AP4B1: variants seen among roughly 807,000 people sequenced by gnomAD.
AP4B1 encodes AP-4 complex subunit beta-1.
Under a neutral mutation model 76.5 loss-of-function variants are expected in AP4B1, and 49 were observed. That is an observed-to-expected ratio of 0.64 (90% CI 0.51 to 0.81). The LOEUF is 0.81. Ranked by LOEUF, AP4B1 falls within the 40% of genes least tolerant of loss-of-function variation. The probability of loss-of-function intolerance (pLI) is 0.00; values close to 1 mark genes in which losing one functional copy is unlikely to be tolerated. For synonymous variants in AP4B1, 330 were observed against 333.3 expected (o/e 0.99, Z 0.11); for missense variants, 911 against 904.9 (o/e 1.01, Z -0.09).
intron 7 of AP4B1, 178 bp from the exon 8 acceptor site, chr1:113,896,643 G>A (rs1398650394): frequency 1.6e-6 from 1 of 636,430 alleles, no homozygotes; most frequent in Non-Finnish European, 2.8e-6. Flanking sequence ...AAATAGGAAT[G>A]AAATTCTAAT....
chr1:113,895,150 T>C lies in AP4B1; in HGVS notation c.2135A>G (p.Gln712Arg). 1 of 1,614,250 alleles carries C rather than the reference T, an allele frequency of 6.2e-7. No individual in the cohort carries two copies. Among genetic ancestry groups the C allele is most frequent in the Non-Finnish European group, 8.5e-7 (1 of 1,180,036 alleles). ...CAGCGTCTCCGTTCTTGCTTCATTT[T>C]GTTTCACAGAGATCTGCATTTCTGA... The part of the protein sequence containing the change: ...GNSEMQISVK[Q>R]NEARTETLNS... The change falls in exon 10 of 10, where the codon CAA becomes CGA. Residue 712 changes from glutamine to arginine, a missense_variant. Transcript: ENST00000369569.
chr1:113,895,466 C>G lies in AP4B1; in HGVS notation c.1819G>C (p.Glu607Gln), dbSNP rs1166699876. The change falls in exon 10 of 10, where the codon GAG (glutamate) becomes CAG (glutamine). Residue 607 changes from glutamate to glutamine, a missense_variant. Glu to Gln is a conservative substitution (Grantham distance 29). Transcript: ENST00000369569. The part of the protein sequence containing the change: ...SGPLIPEENK[E>Q]RVQELPDSGA... ...GAATCAGGGAGTTCTTGTACCCTCT[C>G]CTTGTTCTCTTCAGGAATCAAGGGT... 7 of 1,614,190 alleles carry G rather than the reference C, an allele frequency of 4.3e-6. No individual in the cohort carries two copies. Among genetic ancestry groups the G allele is most frequent in the Non-Finnish European group, 5.9e-6 (7 of 1,180,044 alleles).
intron 2 of AP4B1, 118 bp downstream of exon 2, chr1:113,902,520 A>G (rs1668406785): frequency 9.8e-7 from 1 of 1,015,232 alleles, no homozygotes; most frequent in Non-Finnish European, 1.5e-6. Context: ...AGTTCAGGGT[A>G]CAATAATGTT....
In AP4B1 at chr1:113,900,077, T is replaced by C. The variant is rs753288273; in HGVS notation, c.941A>G (p.His314Arg). The C allele has an allele frequency of 5.0e-6, 8 of 1,614,114 alleles. No homozygotes were observed. The South Asian group carries it at 6.6e-5, about 13-fold the overall frequency. The change falls in exon 5 of 10, where the codon CAC becomes CGC. Residue 314 changes from histidine to arginine, a missense_variant. By Grantham distance (29) the His-to-Arg change is conservative. Coordinates refer to ENST00000369569, the MANE Select transcript of AP4B1 (RefSeq NM_001253852.3). ...LHSLPGHFSSHYKKFFCSYSE... is the reference protein window; with the variant it reads ...LHSLPGHFSSRYKKFFCSYSE... ...GTAGGAGCAAAAAAACTTTTTGTAG[T>C]GGCTGCTAAAGTGACCTGGTAAACT...
Position 113,898,809 on chromosome 1 carries a change from A to G in AP4B1, c.1115-8T>C. 6.2e-7 allele frequency: 1 copy of G among 1,604,998 alleles called. No homozygotes were observed. Among genetic ancestry groups the G allele is most frequent in the Non-Finnish European group, 8.5e-7 (1 of 1,178,290 alleles). On this transcript the variant is annotated splice_polypyrimidine_tract_variant and splice_region_variant and intron_variant, in intron 5 of 9. Coordinates refer to ENST00000369569, the MANE Select transcript of AP4B1 (RefSeq NM_001253852.3). ...AAGTCCTGGCAATGCCACCTACAAA[A>G]GAAGGGAAAGCAGAGAAAACTGCTA...
Position 113,894,450 on chromosome 1 carries a change from T to G in AP4B1, c.*615A>C, listed in dbSNP as rs146607741. 1.3e-5 allele frequency among the ~76,000 whole-genome samples: 2 copies of G among 152,268 alleles called. No individual in the cohort carries two copies. Among genetic ancestry groups the G allele is most frequent in the Admixed American group, 1.3e-4 (2 of 15,274 alleles). On this transcript the variant is annotated 3_prime_UTR_variant, in exon 10 of 10. Coordinates refer to ENST00000369569, the MANE Select transcript of AP4B1 (RefSeq NM_001253852.3). Reference sequence around the variant, plus strand: ...ACTGAAAGATAGACGAGGTGTTAATTCAAGAAGATATGAGGGTGAGAAAAT... The same window carrying G: ...ACTGAAAGATAGACGAGGTGTTAATGCAAGAAGATATGAGGGTGAGAAAAT...
In AP4B1 at chr1:113,895,802, G is replaced by A. The variant is rs952402725; in HGVS notation, c.1747C>T (p.Arg583Cys). 9.9e-6 allele frequency: 16 copies of A among 1,614,200 alleles called. No homozygotes were observed. The Admixed American group carries it at 1.2e-4, about 12-fold the overall frequency. Residue 583 changes from arginine to cysteine, a missense_variant, in exon 9 of 10, where the codon CGT (arginine) becomes TGT (cysteine). Arg to Cys is a radical substitution (Grantham distance 180). Coordinates refer to ENST00000369569, the MANE Select transcript of AP4B1 (RefSeq NM_001253852.3). ...ATISKCQGAE[R>C]CDPELPKTSS... ...GTTTTAGGAAGCTCTGGGTCACAAC[G>A]CTCTGCCCCCTGGCATTTAGAGATA...
chr1:113,895,849 T>C lies in AP4B1; in HGVS notation c.1700A>G (p.Tyr567Cys). ...ASDFNTLVPV[Y>C]GKAHWATISK... is the part of the protein sequence containing the mutation. ...GATAGTTGCCCAGTGGGCTTTGCCA[T>C]ACACTGGCACCAGTGTGTTGAAGTC... The change falls in exon 9 of 10, where the codon TAT becomes TGT. Residue 567 changes from tyrosine to cysteine, a missense_variant. Coordinates refer to ENST00000369569, the MANE Select transcript of AP4B1 (RefSeq NM_001253852.3). 6.2e-7 allele frequency: 1 copy of C among 1,614,248 alleles called. No individual in the cohort carries two copies. Among genetic ancestry groups the C allele is most frequent in the Non-Finnish European group, 8.5e-7 (1 of 1,180,034 alleles).
At chr1:113,902,032 C>G in intron 2 of AP4B1, 147 bp from the exon 3 acceptor site, 2 of 1,065,566 alleles carry the variant, frequency 1.9e-6, no homozygotes, top group Non-Finnish European at 2.8e-6. Flanking sequence ...GCTTAAAAAG[C>G]CATAATTTGA....
rs1177931925 is a variant in AP4B1 at position 113,895,280 on chromosome 1, T to C, written c.2005A>G (p.Ile669Val). 2 of 1,614,194 alleles carry C rather than the reference T, an allele frequency of 1.2e-6. No individual in the cohort carries two copies. The highest frequency in any genetic ancestry group is 1.7e-6 in the Non-Finnish European group (2 of 1,180,020). ...MALQVVNIQT[I>V]AMSRAGSRPW... ...CGAGACCCAGCCCTACTCATTGCGATGGTCTGGATGTTCACTACTTGAAGA... is the reference window on the plus strand; with the variant it reads ...CGAGACCCAGCCCTACTCATTGCGACGGTCTGGATGTTCACTACTTGAAGA... The change falls in exon 10 of 10, where the codon ATC becomes GTC. Residue 669 changes from isoleucine to valine, a missense_variant. Coordinates refer to ENST00000369569, the MANE Select transcript of AP4B1 (RefSeq NM_001253852.3).
In AP4B1 at chr1:113,895,469, T is replaced by C. The variant is rs1461523194; in HGVS notation, c.1816A>G (p.Lys606Glu). 1 of 1,614,134 alleles carries C rather than the reference T, an allele frequency of 6.2e-7. No homozygotes were observed. The highest frequency in any genetic ancestry group is 1.7e-5 in the Admixed American group (1 of 60,004). Residue 606 changes from lysine (K) to glutamate (E), a missense_variant, in exon 10 of 10, where the codon AAG becomes GAG. Transcript: ENST00000369569. The part of the protein sequence containing the change: ...ASGPLIPEEN[K>E]ERVQELPDSG... ...TCAGGGAGTTCTTGTACCCTCTCCTTGTTCTCTTCAGGAATCAAGGGTCCT... is the reference window on the plus strand; with the variant it reads ...TCAGGGAGTTCTTGTACCCTCTCCTCGTTCTCTTCAGGAATCAAGGGTCCT...
chr1:113,896,383 T>TCAACAA lies in AP4B1; in HGVS notation c.1379_1384dup (p.Val461_Glu462insValVal), dbSNP rs1244775423. 6.2e-7 allele frequency: 1 copy of TCAACAA among 1,614,196 alleles called. No individual in the cohort carries two copies. The highest frequency in any genetic ancestry group is 1.1e-5 in the South Asian group (1 of 91,090). On this transcript the variant is annotated inframe_insertion, in exon 8 of 10. Transcript: ENST00000369569. ...TGGAAATGTTTCCGACTTCACATTC[T>TCAACAA]CAACAAAGTCCTCTAACACATAAGG...
At chr1:113,902,584 T>G (rs1010430414) in intron 2 of AP4B1, 54 bp downstream of exon 2, 1 of 1,550,644 alleles carries the variant, frequency 6.4e-7, no homozygotes, top group Non-Finnish European at 8.9e-7. Flanking sequence ...ACCTACCCTG[T>G]GATCACTTGA....
intron 8 of AP4B1, 68 bp downstream of exon 8, chr1:113,896,190 A>G: frequency 1.9e-6 from 3 of 1,604,452 alleles, no homozygotes; most frequent in Non-Finnish European, 2.6e-6. Flanking sequence ...GACTCACCAA[A>G]CAATGAAAGC....
Position 113,896,479 on chromosome 1 carries a change from GA to G in AP4B1, c.1303-15del. ...TGCTTGCTTCCCCTAGAGAATAAAG[GA>G]ATAAGAGCAAGTGCTCAACACTTGA... On this transcript the variant is annotated splice_polypyrimidine_tract_variant and intron_variant, in intron 7 of 9. Transcript: ENST00000369569. The G allele has an allele frequency of 6.2e-7, 1 of 1,613,324 alleles. No homozygotes were observed. Among genetic ancestry groups the G allele is most frequent in the Middle Eastern group, 1.7e-4 (1 of 6,054 alleles).
chr1:113,895,316 G>A lies in AP4B1; in HGVS notation c.1969C>T (p.Leu657Phe). The change falls in exon 10 of 10, where the codon CTC becomes TTC. Residue 657 changes from leucine to phenylalanine, a missense_variant. Coordinates refer to ENST00000369569, the MANE Select transcript of AP4B1 (RefSeq NM_001253852.3). ...TTCACTACTTGAAGAGCCATCTGGA[G>A]GGTGTCAGGATGGAATTCTCCCCGC... The part of the protein sequence containing the change: ...PWRGEFHPDT[L>F]QMALQVVNIQ... 1 of 1,614,212 alleles carries A rather than the reference G, an allele frequency of 6.2e-7. No individual in the cohort carries two copies. The highest frequency in any genetic ancestry group is 8.5e-7 in the Non-Finnish European group (1 of 1,180,032).
In AP4B1 at chr1:113,895,822, G is replaced by A. The variant is rs772274000; in HGVS notation, c.1727C>T (p.Ser576Phe). ...VYGKAHWATISKCQGAERCDP... is the reference protein window; with the variant it reads ...VYGKAHWATIFKCQGAERCDP... ...ACAACGCTCTGCCCCCTGGCATTTA[G>A]AGATAGTTGCCCAGTGGGCTTTGCC... Residue 576 changes from serine to phenylalanine, a missense_variant, in exon 9 of 10, where the codon TCT becomes TTT. Physicochemically the swap from Ser to Phe is radical, Grantham distance 155. Transcript: ENST00000369569. 22 of 1,614,110 alleles carry A rather than the reference G, an allele frequency of 1.4e-5. No homozygotes were observed. Among genetic ancestry groups the A allele is most frequent in the African/African-American group, 6.7e-5 (5 of 74,938 alleles).
At chr1:113,904,904 G>T, upstream of AP4B1, 1 of 610,816 alleles carries the variant, frequency 1.6e-6, no homozygotes, top group Non-Finnish European at 3.0e-6. Context: ...CGCCCTCCGC[G>T]ACACCGCGAG....
chr1:113,904,751 C>T lies in AP4B1; in HGVS notation c.-34G>A, dbSNP rs763036231. The T allele has an allele frequency of 8.3e-6, 13 of 1,573,552 alleles. No individual in the cohort carries two copies. Among genetic ancestry groups the T allele is most frequent in the Non-Finnish European group, 9.6e-6 (11 of 1,144,984 alleles). ...GAGTCACAGGGCAGCTCCCACAGCT[C>T]CCACGGTAACTCGAGGGCTCCTTCT... On this transcript the variant is annotated 5_prime_UTR_variant, in exon 1 of 10. Coordinates refer to ENST00000369569, the MANE Select transcript of AP4B1 (RefSeq NM_001253852.3).
Sources: allele counts gnomAD v4.1 joint callset (sites outside exome capture counted in the v4.1 genomes callset), GRCh38; gene constraint gnomAD v4.1.1; transcripts MANE v1.5; gene names NCBI Gene and HGNC (gene_info 2026-07-23, HGNC 2026-07-21).